The following CA10 variants were observed in gnomAD, a reference collection of about 807,000 sequenced individuals.
The protein encoded by CA10 is carbonic anhydrase 10 (inactive).
A neutral mutation model predicts 44.2 loss-of-function variants in CA10; 14 were observed. The observed-to-expected ratio is 0.32, with a 90% CI of 0.21 to 0.50. The LOEUF (loss-of-function observed/expected upper bound fraction) is 0.50, where lower values mean the gene tolerates loss of function less well. Among genes scored for constraint, CA10 ranks in the 20% least tolerant of loss-of-function variants. The pLI is 0.99. For synonymous variants in CA10, 159 were observed against 141.6 expected, an observed-to-expected ratio of 1.12 and a Z score of -0.87; for missense variants, 350 against 409.7, an observed-to-expected ratio of 0.85 and a Z score of 1.26.
intron 1 of CA10, among the ~76,000 whole-genome samples, chr17:52,085,662 A>G (rs902387097): frequency 3.9e-5 from 6 of 152,180 alleles, no homozygotes; most frequent in Admixed American, 6.5e-5. Context: ...TTTATTATAT[A>G]CATTTACTTA....
intron 2 of CA10, among the ~76,000 whole-genome samples, chr17:52,052,476 G>C (rs1294281476): frequency 1.3e-5 from 2 of 151,810 alleles, no homozygotes; most frequent in Non-Finnish European, 2.9e-5. Context: ...CATATTTACT[G>C]TCTCCTCCAT....
At chr17:52,038,211 G>A (rs1986671221) in intron 2 of CA10, among the ~76,000 whole-genome samples, 2 of 152,164 alleles carry the variant, frequency 1.3e-5, no homozygotes, top group Admixed American at 6.5e-5. Flanking sequence ...GGGATACAGA[G>A]AACTGAAGTT....
At chr17:51,827,214 G>A (rs902935888) in intron 3 of CA10, among the ~76,000 whole-genome samples, 1 of 152,086 alleles carries the variant, frequency 6.6e-6, no homozygotes, top group Non-Finnish European at 1.5e-5. Context: ...ATACCTTTGG[G>A]AGACACAAAG....
At chr17:52,100,775 C>T (rs919149709) in intron 1 of CA10, among the ~76,000 whole-genome samples, 1 of 152,154 alleles carries the variant, frequency 6.6e-6, no homozygotes, top group South Asian at 2.1e-4. Flanking sequence ...CCCCATCAAG[C>T]CTTTCCTGAT....
At chr17:52,073,746 G>A (rs1265229055) in intron 1 of CA10, among the ~76,000 whole-genome samples, 3 of 152,130 alleles carry the variant, frequency 2.0e-5, no homozygotes, top group African/African-American at 7.2e-5. Flanking sequence ...AGATCCCGAG[G>A]TCAGCTGAGT....
chr17:51,690,137 G>A (rs749462725), intron 4 of CA10, among the ~76,000 whole-genome samples: 13 of 152,038 alleles, frequency 8.6e-5, no homozygotes, highest in Non-Finnish European at 1.5e-4. Context: ...TAGTAGACAT[G>A]GGGTTTTACC....
At chr17:51,995,188 A>G (rs1161272736) in intron 2 of CA10, among the ~76,000 whole-genome samples, 2 of 152,068 alleles carry the variant, frequency 1.3e-5, no homozygotes. Flanking sequence ...ACCATGTAAT[A>G]TGATTTATTG....
chr17:51,974,308 C>T (rs1046589447), intron 2 of CA10, among the ~76,000 whole-genome samples: 5 of 150,810 alleles, frequency 3.3e-5, no homozygotes, highest in South Asian at 2.1e-4. Context: ...CGCTTGAACC[C>T]GGGAGGTGGA....
chr17:52,136,484 G>A (rs1225903932), intron 1 of CA10, among the ~76,000 whole-genome samples: 1 of 152,160 alleles, frequency 6.6e-6, no homozygotes, highest in African/African-American at 2.4e-5. Flanking sequence ...ACACTTGTGT[G>A]CTATTTGTGT....
rs2143435259 is a variant in CA10 at position 52,158,547 on chromosome 17, G to A, written c.-761C>T. On this transcript the variant is annotated 5_prime_UTR_variant, in exon 1 of 9. Transcript: ENST00000451037. The stretch of plus-strand genomic sequence containing the variant: ...TCCGGCAGTGCGTCCAGGGCGCCGA[G>A]GGGAAGGGCTGGGCCCCGGGGACTG... The A allele has an allele frequency of 6.5e-6, 1 of 153,594 alleles. No homozygotes were observed. Among genetic ancestry groups the A allele is most frequent in the African/African-American group, 2.4e-5 (1 of 41,564 alleles). The allele number at this position is 153,594 out of a possible 1,614,324, so 9.5% of individuals were successfully genotyped here. A position where few individuals can be genotyped will look rare whatever the true frequency, so the allele number is the denominator to read the frequency against.
intron 2 of CA10, among the ~76,000 whole-genome samples, chr17:52,022,871 C>T (rs1463361892): frequency 6.6e-6 from 1 of 151,680 alleles, no homozygotes; most frequent in Non-Finnish European, 1.5e-5. Flanking sequence ...GCAACAACAA[C>T]AAAAAAATAC....
At chr17:51,958,228 G>A (rs193040967) in intron 2 of CA10, among the ~76,000 whole-genome samples, 15 of 151,226 alleles carry the variant, frequency 9.9e-5, no homozygotes, top group African/African-American at 3.2e-4. Context: ...CAAATTCCAT[G>A]TAAGTATGAT....
intron 2 of CA10, among the ~76,000 whole-genome samples, chr17:51,935,005 G>C (rs1982808876): frequency 6.6e-6 from 1 of 152,138 alleles, no homozygotes; most frequent in Non-Finnish European, 1.5e-5. Context: ...TTTACATGCA[G>C]AGCAAGGATG....
At chr17:51,839,350 G>A (rs559090708) in intron 3 of CA10, among the ~76,000 whole-genome samples, 53 of 151,772 alleles carry the variant, frequency 3.5e-4, no homozygotes, top group Admixed American at 1.1e-3. Flanking sequence ...AAAATTAGCC[G>A]GGCGTGGTGG....
chr17:51,652,063 T>C, intron 5 of CA10, among the ~76,000 whole-genome samples: 1 of 152,178 alleles, frequency 6.6e-6, no homozygotes, highest in East Asian at 1.9e-4. Flanking sequence ...TACTCCCTTC[T>C]TGCCCTCACT....
chr17:51,661,233 T>G (rs200528532), intron 4 of CA10, among the ~76,000 whole-genome samples: 1 of 4,898 alleles, frequency 2.0e-4, no homozygotes, highest in African/African-American at 1.1e-3. Context: ...AAGGCAGAAA[T>G]AAATAATTGT....
At chr17:51,703,582 C>T (rs1915669123) in intron 4 of CA10, among the ~76,000 whole-genome samples, 1 of 152,058 alleles carries the variant, frequency 6.6e-6, no homozygotes, top group African/African-American at 2.4e-5. Flanking sequence ...AGTCTCTGAG[C>T]CATTTTCTGA....
At chr17:51,991,289 C>A (rs1457590681) in intron 2 of CA10, among the ~76,000 whole-genome samples, 1 of 152,114 alleles carries the variant, frequency 6.6e-6, no homozygotes, top group Non-Finnish European at 1.5e-5. Context: ...CTATTTTAAA[C>A]TTTCTAATGG....
At chr17:51,905,303 T>C (rs1368439482) in intron 3 of CA10, among the ~76,000 whole-genome samples, 3 of 152,018 alleles carry the variant, frequency 2.0e-5, no homozygotes, top group African/African-American at 7.2e-5. Flanking sequence ...TGGAGTTAAT[T>C]CTCCCTGACC....
Sources: gnomAD v4.1 joint callset for allele counts (sites outside exome capture counted in the v4.1 genomes callset) on GRCh38, gnomAD v4.1.1 for gene constraint, MANE v1.5 for transcripts, NCBI Gene and HGNC (gene_info 2026-07-23, HGNC 2026-07-21) for gene names.